Variants in PANX1 observed in about 807,000 individuals in gnomAD.
PANX1 encodes pannexin-1.
Under a neutral mutation model 38.7 loss-of-function variants are expected in PANX1, and 30 were observed. The ratio of observed to expected loss-of-function variants is 0.78; its 90% confidence interval spans 0.58 to 1.05. PANX1 has a LOEUF of 1.05. Among genes scored for constraint, PANX1 ranks in the 50% least tolerant of loss-of-function variants. The pLI is 0.00. For synonymous variants in PANX1, 230 were observed against 212.2 expected (o/e 1.08, Z -0.73); for missense variants, 551 against 517.2 (o/e 1.07, Z -0.63).
At chr11:94,129,607 G>C in intron 1 of PANX1, 114 bp downstream of exon 1, 2 of 946,324 alleles carry the variant, frequency 2.1e-6, no homozygotes, top group South Asian at 3.5e-5. Flanking sequence ...GGTCGTGAGC[G>C]TCAGGAAGGG....
rs1439165063 is a variant in PANX1, at chr11:94,155,556, CG to C, written c.321+1927del. On this transcript the variant is annotated intron_variant, in intron 2 of 4. Transcript: ENST00000227638. ...AATATATAAAAGTAATGGCAAAACG[CG>C]CAATTACTTTTGCTCCAACCTAATA... Among the ~76,000 whole-genome samples, 3 of 151,912 alleles carry C rather than the reference CG, an allele frequency of 2.0e-5. No individual in the cohort carries two copies. The East Asian group carries it at 5.8e-4, about 29-fold the overall frequency.
At chr11:94,148,809 T>G (rs1211977638) in intron 1 of PANX1, among the ~76,000 whole-genome samples, 1 of 152,222 alleles carries the variant, frequency 6.6e-6, no homozygotes, top group Non-Finnish European at 1.5e-5. Context: ...CATCATCATA[T>G]TCTCTGTTTT....
chr11:94,164,791 T>C (rs902316005), intron 2 of PANX1, among the ~76,000 whole-genome samples: 3 of 152,214 alleles, frequency 2.0e-5, no homozygotes, highest in African/African-American at 4.8e-5. Flanking sequence ...TTCCCGACTA[T>C]TATTATATTG....
chr11:94,165,948 A>C (rs980827008), intron 2 of PANX1, among the ~76,000 whole-genome samples: 3 of 152,146 alleles, frequency 2.0e-5, no homozygotes, highest in African/African-American at 7.2e-5. Flanking sequence ...TATTATTATT[A>C]TTGGTTATGT....
At chr11:94,175,490 A>T (rs1245934052) in intron 2 of PANX1, among the ~76,000 whole-genome samples, 1 of 151,806 alleles carries the variant, frequency 6.6e-6, no homozygotes, top group African/African-American at 2.4e-5. Context: ...CAGACTGTAA[A>T]TAGTCACTTT....
chr11:94,177,729 C>T (rs11828416), intron 2 of PANX1, among the ~76,000 whole-genome samples: 3,883 of 148,972 alleles, frequency 0.026, 102 homozygotes, highest in Non-Finnish European at 0.032. Flanking sequence ...TTCCCTTGCC[C>T]GTTGTGGATG....
chr11:94,151,647 C>T (rs1406441179), intron 1 of PANX1, among the ~76,000 whole-genome samples: 1 of 152,168 alleles, frequency 6.6e-6, no homozygotes, highest in East Asian at 1.9e-4. Flanking sequence ...ATGCGGGAAC[C>T]GTGTGAGCTT....
chr11:94,174,156 A>G (rs1184353556), intron 2 of PANX1, among the ~76,000 whole-genome samples: 1 of 151,064 alleles, frequency 6.6e-6, no homozygotes, highest in Non-Finnish European at 1.5e-5. Context: ...CTAATTTATC[A>G]TGACCTTATC....
intron 1 of PANX1, among the ~76,000 whole-genome samples, chr11:94,130,152 T>C (rs947690589): frequency 6.6e-6 from 1 of 152,212 alleles, no homozygotes; most frequent in Admixed American, 6.5e-5. Context: ...ATCACGTGGC[T>C]ACGTGCCTTA....
At chr11:94,176,737 G>C (rs902707870) in intron 2 of PANX1, among the ~76,000 whole-genome samples, 3 of 151,628 alleles carry the variant, frequency 2.0e-5, no homozygotes, top group African/African-American at 7.3e-5. Context: ...CAAAAGTAAG[G>C]AGAAGTTTTC....
intron 2 of PANX1, among the ~76,000 whole-genome samples, chr11:94,158,310 T>A (rs546915042): frequency 1.1e-4 from 16 of 152,306 alleles, no homozygotes; most frequent in African/African-American, 3.6e-4. Context: ...TTGATGGGGA[T>A]GGCATTGAAT....
intron 2 of PANX1, among the ~76,000 whole-genome samples, chr11:94,164,166 C>G (rs1947077711): frequency 6.6e-6 from 1 of 151,508 alleles, no homozygotes; most frequent in Non-Finnish European, 1.5e-5. Flanking sequence ...TTTCAAAAAA[C>G]CAACTTTTAA....
At chr11:94,149,978 T>C (rs1946867174) in intron 1 of PANX1, among the ~76,000 whole-genome samples, 1 of 152,192 alleles carries the variant, frequency 6.6e-6, no homozygotes, top group African/African-American at 2.4e-5. Flanking sequence ...CATATATGTC[T>C]ATGTGACATG....
chr11:94,175,551 G>A lies in PANX1; in HGVS notation c.322-2818G>A, dbSNP rs144102919. On this transcript the variant is annotated intron_variant, in intron 2 of 4. Transcript: ENST00000227638. ...GAAATGCCATTATTCAAATAGCTTT[G>A]AAACAAAAGTGACTTATACAGATGT... is the stretch of plus-strand genomic sequence containing the variant. Among the ~76,000 whole-genome samples, 193 of 151,770 alleles carry A rather than the reference G, an allele frequency of 1.3e-3. 6 individuals are homozygous for A. Among genetic ancestry groups the A allele is most frequent in the African/African-American group, 3.7e-3 (154 of 41,120 alleles).
chr11:94,152,989 G>C (rs1204447290), intron 1 of PANX1, among the ~76,000 whole-genome samples: 2 of 152,150 alleles, frequency 1.3e-5, no homozygotes, highest in African/African-American at 4.8e-5. Context: ...GGAAACCACT[G>C]ATTTCCCATC....
chr11:94,163,511 T>A (rs1203630675), intron 2 of PANX1, among the ~76,000 whole-genome samples: 1 of 152,238 alleles, frequency 6.6e-6, no homozygotes, highest in Non-Finnish European at 1.5e-5. Context: ...ATTCTGTTGA[T>A]GTGATGTATC....
At chr11:94,172,872 A>G (rs769675662) in intron 2 of PANX1, among the ~76,000 whole-genome samples, 1 of 151,698 alleles carries the variant, frequency 6.6e-6, no homozygotes, top group Non-Finnish European at 1.5e-5. Context: ...TTCTGTGAAC[A>G]GATACTTTGC....
At chr11:94,171,153 G>A (rs959944853) in intron 2 of PANX1, among the ~76,000 whole-genome samples, 2 of 151,450 alleles carry the variant, frequency 1.3e-5, no homozygotes, top group Non-Finnish European at 2.9e-5. Context: ...CTCCTGGATG[G>A]CACATCTAGC....
At position 94,180,793 on chromosome 11, in the gene PANX1, T is replaced by G. The variant is rs1381096706; in HGVS notation, c.1205T>G (p.Met402Arg). 1.3e-6 allele frequency: 2 copies of G among 1,486,008 alleles called. No homozygotes were observed. The highest frequency in any genetic ancestry group is 2.8e-5 in the African/African-American group (2 of 72,484). The allele number at this position is 1,486,008 out of a possible 1,614,324, so 92.1% of individuals were successfully genotyped here. Residue 402 changes from methionine to arginine, a missense_variant, in exon 5 of 5, where the codon ATG becomes AGG. Coordinates refer to ENST00000227638, the MANE Select transcript of PANX1 (RefSeq NM_015368.4). ...TATTTGTTTTCAATTTTGACAGGTATGAACATAGACAGTGAAACTAAAGCA... is the reference window on the plus strand; with the variant it reads ...TATTTGTTTTCAATTTTGACAGGTAGGAACATAGACAGTGAAACTAAAGCA... ...QGNQTAELQG[M>R]NIDSETKANN...
Sources: gnomAD v4.1 joint callset for allele counts (sites outside exome capture counted in the v4.1 genomes callset) on GRCh38, gnomAD v4.1.1 for gene constraint, MANE v1.5 for transcripts, NCBI Gene and HGNC (gene_info 2026-07-23, HGNC 2026-07-21) for gene names.